Variants in CACNA1E observed in about 807,000 individuals in gnomAD.
The protein encoded by CACNA1E is voltage-dependent R-type calcium channel subunit alpha-1E.
A neutral mutation model predicts 259.2 loss-of-function variants in CACNA1E; 40 were observed. The ratio of observed to expected loss-of-function variants is 0.15; its 90% CI spans 0.12 to 0.20. The LOEUF (loss-of-function observed/expected upper bound fraction) is 0.20. Ranked by LOEUF, CACNA1E falls within the 10% of genes least tolerant of loss-of-function variation. CACNA1E has a pLI of 1.00. For synonymous variants in CACNA1E, 1,104 were observed against 1,138.5 expected, an observed-to-expected ratio of 0.97 and a Z score of 0.61; for missense variants, 1,874 against 3,040.1, an observed-to-expected ratio of 0.62 and a Z score of 9.02.
At chr1:181,498,403 A>T (rs1172960487) in intron 1 of CACNA1E, among the ~76,000 whole-genome samples, 2 of 152,208 alleles carry the variant, frequency 1.3e-5, no homozygotes, top group African/African-American at 4.8e-5. Flanking sequence ...CCAACTGGTC[A>T]TGGAGCTCCT....
intron 7 of CACNA1E, among the ~76,000 whole-genome samples, chr1:181,675,332 G>A (rs1649259636): frequency 6.6e-6 from 1 of 152,188 alleles, no homozygotes; most frequent in Non-Finnish European, 1.5e-5. Flanking sequence ...AATATTAATT[G>A]GAGACAGTGG....
rs1308027036 is a variant in CACNA1E, at chr1:181,615,162, T to C, written c.951+34386T>C. Among the ~76,000 whole-genome samples, 3 of 152,192 alleles carry C rather than the reference T, an allele frequency of 2.0e-5. No individual in the cohort carries two copies. In the East Asian group the frequency reaches 5.8e-4, roughly 29 times the overall value. On this transcript the variant is annotated intron_variant, in intron 6 of 47. Transcript: ENST00000367573. ...ACTTTTTCTCATTAAAGTTTTATAC[T>C]ATTTTGTGTAGAGGTCTGATATATC... is the stretch of plus-strand genomic sequence containing the variant.
intron 1 of CACNA1E, among the ~76,000 whole-genome samples, chr1:181,349,602 C>G (rs1652875489): frequency 6.6e-6 from 1 of 152,018 alleles, no homozygotes; most frequent in African/African-American, 2.4e-5. Flanking sequence ...GTGGGAGTGC[C>G]TGCAGCAAAG....
chr1:181,582,234 C>G (rs912034333), intron 6 of CACNA1E, among the ~76,000 whole-genome samples: 1 of 152,202 alleles, frequency 6.6e-6, no homozygotes, highest in Non-Finnish European at 1.5e-5. Context: ...ACCCAGCAAG[C>G]CCAGGGATGA....
chr1:181,364,015 A>G (rs751847339), intron 1 of CACNA1E, among the ~76,000 whole-genome samples: 6 of 152,180 alleles, frequency 3.9e-5, no homozygotes, highest in African/African-American at 7.2e-5. Context: ...ACCAACAGTG[A>G]TATTCACGGG....
In CACNA1E at chr1:181,510,691, G is replaced by T. The variant is rs1459492714; in HGVS notation, c.372+109G>T. 1.9e-5 allele frequency: 14 copies of T among 730,266 alleles called. No homozygotes were observed. In the South Asian group the frequency reaches 2.2e-4, roughly 12 times the overall value. The allele number at this position is 730,266 out of a possible 1,614,324, so 45.2% of individuals were successfully genotyped here. A position where few individuals can be genotyped will look rare whatever the true frequency, so the allele number is the denominator to read the frequency against. ...TTCCTGCCTGTGAGTTCTGGGAGGA[G>T]TTTGCTCTTTGCTGGGGGACAAGCT... On this transcript the variant is annotated intron_variant, in intron 2 of 47. Coordinates refer to ENST00000367573, the MANE Select transcript of CACNA1E (RefSeq NM_001205293.3).
intron 37 of CACNA1E, among the ~76,000 whole-genome samples, chr1:181,774,179 C>T (rs574350209): frequency 5.3e-5 from 8 of 152,360 alleles, no homozygotes; most frequent in African/African-American, 1.9e-4. Context: ...ACTGCACACG[C>T]TACACTCTTA....
intron 1 of CACNA1E, among the ~76,000 whole-genome samples, chr1:181,411,171 C>G (rs34102579): frequency 0.3 from 45,810 of 152,106 alleles, 7,004 homozygotes; most frequent in Admixed American, 0.33. Context: ...AGTTCAGGCC[C>G]TCTCAAGCCA....
intron 44 of CACNA1E, among the ~76,000 whole-genome samples, chr1:181,791,064 CCTCTG>C (rs1175557507): frequency 6.6e-6 from 1 of 152,224 alleles, no homozygotes; most frequent in African/African-American, 2.4e-5. Context: ...GACTGTCTTA[CCTCTG>C]CTCTGTGTGG....
intron 3 of CACNA1E, among the ~76,000 whole-genome samples, chr1:181,519,375 A>G (rs974727742): frequency 1.3e-5 from 2 of 152,182 alleles, no homozygotes; most frequent in African/African-American, 2.4e-5. Flanking sequence ...GTGTCACTGA[A>G]GTCAGGAAAT....
chr1:181,638,854 C>T (rs1052143764), intron 6 of CACNA1E, among the ~76,000 whole-genome samples: 23 of 152,146 alleles, frequency 1.5e-4, no homozygotes, highest in African/African-American at 5.3e-4. Context: ...CCTTGCTTCC[C>T]CTTCTACCAT....
At chr1:181,738,965 G>A (rs1180579222) in intron 24 of CACNA1E, among the ~76,000 whole-genome samples, 182 bp from the exon 25 acceptor site, 4 of 152,142 alleles carry the variant, frequency 2.6e-5, no homozygotes. Context: ...TATGAGATGG[G>A]GGCCTCAGGA....
At chr1:181,338,975 A>G (rs1651935492) in intron 1 of CACNA1E, among the ~76,000 whole-genome samples, 1 of 151,892 alleles carries the variant, frequency 6.6e-6, no homozygotes, top group African/African-American at 2.4e-5. Flanking sequence ...TTGACTGTCT[A>G]TGCTTCGAAT....
intron 8 of CACNA1E, among the ~76,000 whole-genome samples, chr1:181,713,696 G>C (rs756508082): frequency 1.3e-5 from 2 of 152,168 alleles, no homozygotes; most frequent in Non-Finnish European, 2.9e-5. Context: ...TGGGATCTTA[G>C]GGAATGTTTA....
chr1:181,360,819 C>G (rs1034554299), intron 1 of CACNA1E, among the ~76,000 whole-genome samples: 9 of 152,066 alleles, frequency 5.9e-5, no homozygotes, highest in African/African-American at 1.2e-4. Context: ...TTCTGGACAC[C>G]CTTTACAAAA....
chr1:181,397,771 C>A (rs569385072), intron 1 of CACNA1E, among the ~76,000 whole-genome samples: 26 of 152,334 alleles, frequency 1.7e-4, no homozygotes, highest in African/African-American at 6.3e-4. Context: ...CTGAGCTCCG[C>A]AGCCCTGGGG....
At chr1:181,660,683 TAAG>T (rs1158399962) in intron 7 of CACNA1E, among the ~76,000 whole-genome samples, 5 of 152,146 alleles carry the variant, frequency 3.3e-5, no homozygotes, top group Non-Finnish European at 5.9e-5. Context: ...CTGCTGGTCT[TAAG>T]AAGGAAATTA....
intron 37 of CACNA1E, among the ~76,000 whole-genome samples, 172 bp from the exon 38 acceptor site, chr1:181,775,929 G>A (rs1370948291): frequency 6.6e-6 from 1 of 152,142 alleles, no homozygotes; most frequent in Non-Finnish European, 1.5e-5. Flanking sequence ...CCGGCACTTG[G>A]ATCCAGCTGC....
intron 7 of CACNA1E, among the ~76,000 whole-genome samples, chr1:181,675,789 GATTGCCGTC>G (rs1649310690): frequency 6.6e-6 from 1 of 152,252 alleles, no homozygotes; most frequent in Non-Finnish European, 1.5e-5. Flanking sequence ...GAGCCTGCGG[GATTGCCGTC>G]AGGGGTTGGA....
Sources: allele counts gnomAD v4.1 joint callset (sites outside exome capture counted in the v4.1 genomes callset), GRCh38; gene constraint gnomAD v4.1.1; transcripts MANE v1.5; gene names NCBI Gene and HGNC (gene_info 2026-07-23, HGNC 2026-07-21).